NDUFB5: variants seen among roughly 807,000 people sequenced by gnomAD.
NDUFB5 encodes NADH dehydrogenase [ubiquinone] 1 beta subcomplex subunit 5, mitochondrial.
In NDUFB5, 19 loss-of-function variants were observed where a neutral mutation model predicts 19.4. The observed-to-expected ratio is 0.98, with a 90% CI of 0.68 to 1.43. NDUFB5 has a LOEUF of 1.43. NDUFB5 is among the 40% of genes most tolerant of loss of function. The pLI, the probability that NDUFB5 is intolerant of heterozygous loss-of-function variation, is 0.00. For synonymous variants in NDUFB5, 80 were observed against 82.6 expected, an observed-to-expected ratio of 0.97 and a Z score of 0.17; for missense variants, 233 against 236.5, an observed-to-expected ratio of 0.99 and a Z score of 0.10.
intron 5 of NDUFB5, 133 bp from the exon 6 acceptor site, chr3:179,623,787 A>T: frequency 8.9e-7 from 1 of 1,123,288 alleles, no homozygotes; most frequent in South Asian, 1.4e-5. Flanking sequence ...ATGTATGCCT[A>T]CATAAGGGTC....
intron 1 of NDUFB5, among the ~76,000 whole-genome samples, chr3:179,614,238 C>G (rs890825906): frequency 6.6e-6 from 1 of 152,056 alleles, no homozygotes; most frequent in Non-Finnish European, 1.5e-5. Context: ...GAAATTTTGC[C>G]TCAGTTTACT....
intron 5 of NDUFB5, 109 bp downstream of exon 5, chr3:179,618,630 T>A (rs1719446083): frequency 4.1e-6 from 3 of 735,202 alleles, no homozygotes; most frequent in Middle Eastern, 2.4e-4. Context: ...ATACTTTATG[T>A]AAAAGGATAA....
chr3:179,622,647 T>TACTC (rs528603575), intron 5 of NDUFB5, among the ~76,000 whole-genome samples: 185 of 152,324 alleles, frequency 1.2e-3, no homozygotes, highest in African/African-American at 3.7e-3. Context: ...ATATTTTAAT[T>TACTC]ACGGTTTGGA....
Position 179,627,296 on chromosome 3 carries a change from T to C in NDUFB5, c.*3256T>C, listed in dbSNP as rs1395792456. On this transcript the variant is annotated 3_prime_UTR_variant, in exon 6 of 6. Transcript: ENST00000259037. ...AGAAAGAGAAAGAGCTGGAGTCCTT[T>C]AAAAATTCACTGCCTGTTTTTCTGG... 1 of 152,218 alleles carries C rather than the reference T, an allele frequency of 6.6e-6. No homozygotes were observed. The highest frequency in any genetic ancestry group is 1.5e-5 in the Non-Finnish European group (1 of 68,050). 9.4% of individuals were successfully genotyped at this position (152,218 alleles called of 1,614,324 possible).
intron 5 of NDUFB5, among the ~76,000 whole-genome samples, chr3:179,621,728 G>T (rs1319386992): frequency 6.6e-6 from 1 of 151,746 alleles, no homozygotes; most frequent in African/African-American, 2.4e-5. Context: ...TGATCTGCCT[G>T]CCTCAGCCTC....
intron 1 of NDUFB5, among the ~76,000 whole-genome samples, chr3:179,612,064 C>T (rs1719256055): frequency 6.6e-6 from 1 of 151,922 alleles, no homozygotes; most frequent in East Asian, 2.0e-4. Flanking sequence ...ATCCTCCCGC[C>T]TCAGCCTCCC....
chr3:179,615,153 T>G (rs1388465650), intron 2 of NDUFB5, 94 bp downstream of exon 2: 1 of 598,368 alleles, frequency 1.7e-6, no homozygotes, highest in East Asian at 3.0e-5. Context: ...TTATGAAATA[T>G]TTTATTTTGT....
chr3:179,605,198 C>G (rs1560022362), intron 1 of NDUFB5, among the ~76,000 whole-genome samples: 1 of 152,268 alleles, frequency 6.6e-6, no homozygotes, highest in East Asian at 1.9e-4. Context: ...GAAGCTGAGT[C>G]TAGAAAGGTA....
Position 179,614,620 on chromosome 3 carries a change from C to T in NDUFB5, c.125-351C>T, listed in dbSNP as rs868114380. Among the ~76,000 whole-genome samples, 14 of 152,280 alleles carry T rather than the reference C, an allele frequency of 9.2e-5. 1 individual carries two copies. The Middle Eastern group carries it at 0.014, about 148-fold the overall frequency. On this transcript the variant is annotated intron_variant, in intron 1 of 5. Coordinates refer to ENST00000259037, the MANE Select transcript of NDUFB5 (RefSeq NM_002492.4). The stretch of plus-strand genomic sequence containing the variant: ...TAAAATGATTATTTAGATACTTTAA[C>T]TTTGAATTAAAATGAGGAAAGTTAT...
chr3:179,614,778 C>A (rs1259535042), intron 1 of NDUFB5, 193 bp from the exon 2 acceptor site: 2 of 342,152 alleles, frequency 5.8e-6, no homozygotes, highest in Non-Finnish European at 5.3e-6. Context: ...TGTTTCATGT[C>A]AGATGGGTAA....
rs571842890 is a variant in NDUFB5, at chr3:179,613,345, C to G, written c.125-1626C>G. ...ATAATGTCCCCTCTTCCCAACCCCC[C>G]CATCTTGTCTAAATAGGAACTTTTC... On this transcript the variant is annotated intron_variant, in intron 1 of 5. Transcript: ENST00000259037. Among the ~76,000 whole-genome samples, 33 of 152,276 alleles carry G rather than the reference C, an allele frequency of 2.2e-4. 1 individual carries two copies. The Middle Eastern group carries it at 0.024, about 110-fold the overall frequency.
chr3:179,614,534 A>T (rs1326468531), intron 1 of NDUFB5, among the ~76,000 whole-genome samples: 1 of 152,204 alleles, frequency 6.6e-6, no homozygotes, highest in Non-Finnish European at 1.5e-5. Flanking sequence ...TTTGTTGCAG[A>T]GGAGACACAG....
chr3:179,616,861 G>C, intron 3 of NDUFB5, 122 bp from the exon 4 acceptor site: 1 of 680,098 alleles, frequency 1.5e-6, no homozygotes, highest in Non-Finnish European at 2.5e-6. Context: ...TATCTTCATT[G>C]GTACAAATTT....
chr3:179,622,314 T>C (rs762584038), intron 5 of NDUFB5, among the ~76,000 whole-genome samples: 4 of 151,628 alleles, frequency 2.6e-5, no homozygotes, highest in African/African-American at 7.3e-5. Context: ...TTGTTTTGTT[T>C]TTGTTTTTTT....
chr3:179,612,544 A>G, intron 1 of NDUFB5, among the ~76,000 whole-genome samples: 1 of 136,806 alleles, frequency 7.3e-6, no homozygotes, highest in East Asian at 2.1e-4. Context: ...GGCGCGATCT[A>G]GGCTCACTGC....
intron 5 of NDUFB5, among the ~76,000 whole-genome samples, chr3:179,621,873 T>C (rs1719547341): frequency 6.6e-6 from 1 of 152,246 alleles, no homozygotes; most frequent in African/African-American, 2.4e-5. Context: ...TGACAGTCTT[T>C]AGCTTTTGGG....
chr3:179,607,835 T>A, intron 1 of NDUFB5: 1 of 701,576 alleles, frequency 1.4e-6, no homozygotes, highest in South Asian at 1.5e-5. Flanking sequence ...ATATAATATT[T>A]GTCTGTCACT....
chr3:179,615,135 CTTTCA>C (rs770260488), intron 2 of NDUFB5, 76 bp downstream of exon 2: 19 of 711,440 alleles, frequency 2.7e-5, no homozygotes, highest in Non-Finnish European at 3.8e-5. Flanking sequence ...TAGAAAACAT[CTTTCA>C]TTTTATGAAA....
At chr3:179,607,019 A>G (rs966007198) in intron 1 of NDUFB5, among the ~76,000 whole-genome samples, 2 of 152,208 alleles carry the variant, frequency 1.3e-5, no homozygotes, top group East Asian at 3.8e-4. Context: ...AAATCCTTCA[A>G]ATACTCGCTC....
Sources: gnomAD v4.1 joint callset for allele counts (sites outside exome capture counted in the v4.1 genomes callset) on GRCh38, gnomAD v4.1.1 for gene constraint, MANE v1.5 for transcripts, NCBI Gene and HGNC (gene_info 2026-07-23, HGNC 2026-07-21) for gene names.